Variants in MXRA7 observed in about 807,000 individuals in gnomAD.
MXRA7 encodes matrix-remodeling-associated protein 7.
MXRA7 carries 18 observed loss-of-function variants against 17.4 expected under a neutral mutation model. The observed-to-expected ratio is 1.03, with a 90% CI of 0.71 to 1.53. The LOEUF (loss-of-function observed/expected upper bound fraction) is 1.53, where lower values mean the gene tolerates loss of function less well. Among genes scored for constraint, MXRA7 ranks in the 40% most tolerant of loss-of-function variants. The probability of loss-of-function intolerance (pLI) is 0.00; values close to 1 mark genes in which losing one functional copy is unlikely to be tolerated. For synonymous variants in MXRA7, 70 were observed against 101.7 expected (o/e 0.69, Z 1.87); for missense variants, 141 against 209.3 (o/e 0.67, Z 2.01).
intron 1 of MXRA7, among the ~76,000 whole-genome samples, chr17:76,704,548 G>A (rs1410617582): frequency 6.7e-6 from 1 of 150,030 alleles, no homozygotes; most frequent in Non-Finnish European, 1.5e-5. Context: ...ACTTTGGGAG[G>A]CCGAGGCAGG....
chr17:76,686,450 A>T (rs2076398832), intron 2 of MXRA7, among the ~76,000 whole-genome samples: 1 of 152,188 alleles, frequency 6.6e-6, no homozygotes, highest in Admixed American at 6.5e-5. Flanking sequence ...ACTGTACTCC[A>T]GCCTGGGCAA....
At chr17:76,685,539 C>T (rs2076382919) in intron 2 of MXRA7, among the ~76,000 whole-genome samples, 1 of 152,236 alleles carries the variant, frequency 6.6e-6, no homozygotes, top group Admixed American at 6.5e-5. Flanking sequence ...CCACGCCTGC[C>T]TGGGCTTGGG....
At chr17:76,687,703 G>A (rs942415863) in intron 2 of MXRA7, among the ~76,000 whole-genome samples, 1 of 152,226 alleles carries the variant, frequency 6.6e-6, no homozygotes, top group Non-Finnish European at 1.5e-5. Flanking sequence ...GTGCCCTCCT[G>A]GGGCCTTCGT....
At chr17:76,684,490 G>T (rs1451449136) in intron 3 of MXRA7, among the ~76,000 whole-genome samples, 1 of 152,186 alleles carries the variant, frequency 6.6e-6, no homozygotes, top group Non-Finnish European at 1.5e-5. Flanking sequence ...CCGCCCAGCA[G>T]GATGGTGTGG....
At chr17:76,695,998 G>A (rs983160795) in intron 1 of MXRA7, among the ~76,000 whole-genome samples, 2 of 152,142 alleles carry the variant, frequency 1.3e-5, no homozygotes, top group East Asian at 3.8e-4. Flanking sequence ...GGGAGGCTGA[G>A]GGAGGAGAAT....
chr17:76,702,981 ACAC>A (rs2076613059), intron 1 of MXRA7, among the ~76,000 whole-genome samples: 1 of 150,890 alleles, frequency 6.6e-6, no homozygotes, highest in African/African-American at 2.4e-5. Flanking sequence ...CTCCAGCAGA[ACAC>A]CACTGGGCTG....
chr17:76,700,524 A>T (rs2076578475), intron 1 of MXRA7, among the ~76,000 whole-genome samples: 2 of 152,158 alleles, frequency 1.3e-5, no homozygotes, highest in South Asian at 4.1e-4. Flanking sequence ...GACAGAAACA[A>T]GATACCTTCC....
At chr17:76,678,841 T>C (rs1465963011), downstream of MXRA7, among the ~76,000 whole-genome samples, 1 of 152,176 alleles carries the variant, frequency 6.6e-6, no homozygotes, top group East Asian at 1.9e-4. Context: ...GCCCCGCATC[T>C]TCCATCCTGC....
chr17:76,703,193 A>C (rs1321744680), intron 1 of MXRA7, among the ~76,000 whole-genome samples: 1 of 152,164 alleles, frequency 6.6e-6, no homozygotes, highest in Non-Finnish European at 1.5e-5. Flanking sequence ...TACCAAGGAC[A>C]TCACACAAGA....
intron 1 of MXRA7, among the ~76,000 whole-genome samples, chr17:76,701,355 G>GT (rs200402262): frequency 0.1 from 15,355 of 150,900 alleles, 1,104 homozygotes; most frequent in East Asian, 0.33. Context: ...GCAGCTGAGC[G>GT]TCGGGGGGGT....
intron 3 of MXRA7, among the ~76,000 whole-genome samples, chr17:76,683,300 A>G (rs1302291055): frequency 2.0e-5 from 3 of 152,346 alleles, no homozygotes; most frequent in Non-Finnish European, 2.9e-5. Flanking sequence ...AGACCACAGG[A>G]AAATGGGTGA....
At chr17:76,694,757 T>C (rs2143645765) in intron 1 of MXRA7, among the ~76,000 whole-genome samples, 1 of 152,266 alleles carries the variant, frequency 6.6e-6, no homozygotes, top group African/African-American at 2.4e-5. Flanking sequence ...GGCTAATTTG[T>C]GTATTTTTGG....
chr17:76,677,550 G>T, downstream of MXRA7: 1 of 1,411,152 alleles, frequency 7.1e-7, no homozygotes, highest in Non-Finnish European at 1.0e-6. Context: ...GGTGGGGACA[G>T]CATCAGGCAT....
At chr17:76,677,692 C>T (rs147040032), downstream of MXRA7, 749 of 1,613,388 alleles carry the variant, frequency 4.6e-4, 1 homozygote, top group South Asian at 7.4e-4. Context: ...GCCAGCTGTT[C>T]CTTCTGAACT....
chr17:76,687,060 C>T (rs2076407235), intron 2 of MXRA7, among the ~76,000 whole-genome samples: 1 of 152,234 alleles, frequency 6.6e-6, no homozygotes, highest in Non-Finnish European at 1.5e-5. Flanking sequence ...AAGTCACTAA[C>T]AGGATCCCTG....
chr17:76,709,725 G>C (rs1012095255), intron 1 of MXRA7: 2 of 152,730 alleles, frequency 1.3e-5, no homozygotes, highest in East Asian at 1.9e-4. Flanking sequence ...GGCCTGGACC[G>C]GCCAAGCGTG....
downstream of MXRA7, among the ~76,000 whole-genome samples, chr17:76,679,388 C>T (rs1208182776): frequency 6.6e-6 from 1 of 151,818 alleles, no homozygotes; most frequent in African/African-American, 2.4e-5. Flanking sequence ...CCTGAGTGAA[C>T]ACAGATCATG....
At chr17:76,682,526 A>G (rs1442961329) in intron 3 of MXRA7, among the ~76,000 whole-genome samples, 1 of 152,052 alleles carries the variant, frequency 6.6e-6, no homozygotes, top group Non-Finnish European at 1.5e-5. Flanking sequence ...CCCCACCCCC[A>G]TGAGAACCAT....
intron 1 of MXRA7, among the ~76,000 whole-genome samples, chr17:76,706,227 T>TGCCGTCACAAAGGCCCACG (rs1567990801): frequency 3.1e-4 from 9 of 28,908 alleles, no homozygotes; most frequent in African/African-American, 9.0e-4. Flanking sequence ...AAAGGCCCAC[T>TGCCGTCACAAAGGCCCACG]CTGCCGTCAC....
Sources: allele counts gnomAD v4.1 joint callset (sites outside exome capture counted in the v4.1 genomes callset), GRCh38; gene constraint gnomAD v4.1.1; transcripts MANE v1.5; gene names NCBI Gene and HGNC (gene_info 2026-07-23, HGNC 2026-07-21).